Variants in FEM1B observed in about 807,000 individuals in gnomAD.
FEM1B encodes the protein protein fem-1 homolog B.
FEM1B carries 10 observed loss-of-function variants against 38.6 expected under a neutral mutation model. The ratio of observed to expected loss-of-function variants is 0.26; its 90% CI spans 0.16 to 0.44. The LOEUF is 0.44. FEM1B is among the 20% of genes least tolerant of loss of function. The pLI is 1.00. For missense variants in FEM1B, 471 were observed against 786.7 expected, an observed-to-expected ratio of 0.60 and a Z score of 4.80; for synonymous variants, 288 against 288.0, an observed-to-expected ratio of 1.00 and a Z score of 0.00.
Position 68,290,661 on chromosome 15 carries a change from A to G in FEM1B, c.1303A>G (p.Asn435Asp). 1 of 1,613,940 alleles carries G rather than the reference A, an allele frequency of 6.2e-7. No individual in the cohort carries two copies. Among genetic ancestry groups the G allele is most frequent in the Non-Finnish European group, 8.5e-7 (1 of 1,179,790 alleles). Residue 435 changes from asparagine to aspartate, a missense_variant, in exon 2 of 2, where the codon AAT becomes GAT. Physicochemically the swap from Asn to Asp is conservative, Grantham distance 23. This residue lies in a region of FEM1B where 380 missense variants were observed against 599.6 expected (regional missense o/e 0.63). Coordinates refer to ENST00000306917, the MANE Select transcript of FEM1B (RefSeq NM_015322.5). This position sits in a 1 kb window ranked among gnomAD's most constrained non-coding sequence, Gnocchi z 9.7. ...VKNISDADVHNAMDNYECNLY... is the reference protein window; with the variant it reads ...VKNISDADVHDAMDNYECNLY... ...AAATATTTCAGATGCTGATGTCCAC[A>G]ATGCTATGGACAATTATGAATGTAA... is the stretch of plus-strand genomic sequence containing the variant.
intron 1 of FEM1B, among the ~76,000 whole-genome samples, chr15:68,287,159 G>C (rs1280679857): frequency 3.3e-5 from 5 of 152,126 alleles, no homozygotes; most frequent in African/African-American, 7.2e-5. Context: ...CCAAAGTGCT[G>C]GGATTACAGG....
Position 68,288,295 on chromosome 15 carries a change from T to C in FEM1B, c.249-1312T>C, listed in dbSNP as rs79903143. On this transcript the variant is annotated intron_variant, in intron 1 of 1. Transcript: ENST00000306917. This position sits in a 1 kb window ranked among gnomAD's most constrained non-coding sequence, Gnocchi z 4.6. ...TAGCACCAGGAGCATTATTCTCTTT[T>C]CCACTTCATGGGGGATATAATTTGA... Among the ~76,000 whole-genome samples, 5,231 of 152,322 alleles carry C rather than the reference T, an allele frequency of 0.034. 104 individuals are homozygous for C. Among genetic ancestry groups the C allele is most frequent in the Non-Finnish European group, 0.054 (3,665 of 68,018 alleles).
Sources: gnomAD v4.1 joint callset for allele counts (sites outside exome capture counted in the v4.1 genomes callset) on GRCh38, gnomAD v4.1.1 for gene constraint, gnomAD v4.1.1 regional missense constraint, Gnocchi (gnomAD v3.1) non-coding constraint, MANE v1.5 for transcripts, NCBI Gene and HGNC (gene_info 2026-07-23, HGNC 2026-07-21) for gene names.